NRXN1: variants seen among roughly 807,000 people sequenced by gnomAD.
The protein encoded by NRXN1 is neurexin-1.
NRXN1 carries 39 observed loss-of-function variants against 150.9 expected under a neutral mutation model. The observed-to-expected ratio is 0.26, with a 90% confidence interval of 0.20 to 0.34. NRXN1 has a LOEUF of 0.34. Ranked by LOEUF, NRXN1 falls within the 10% of genes least tolerant of loss-of-function variation. The pLI is 1.00. For synonymous variants in NRXN1, 924 were observed against 757.0 expected (o/e 1.22, Z -3.62); for missense variants, 1,815 against 1,949.9 (o/e 0.93, Z 1.30).
chr2:50,092,013 A>T (rs892916970), intron 18 of NRXN1, among the ~76,000 whole-genome samples: 12 of 152,354 alleles, frequency 7.9e-5, no homozygotes, highest in African/African-American at 2.9e-4. Flanking sequence ...AAATACTAAC[A>T]GCTTGAAAGT....
chr2:50,225,829 A>C (rs2064324439), intron 18 of NRXN1, among the ~76,000 whole-genome samples: 1 of 151,994 alleles, frequency 6.6e-6, no homozygotes, highest in Non-Finnish European at 1.5e-5. Context: ...CTAGCTAGCT[A>C]ACCACAAAAT....
At chr2:50,383,946 T>A (rs368129324) in intron 17 of NRXN1, among the ~76,000 whole-genome samples, 3 of 152,178 alleles carry the variant, frequency 2.0e-5, no homozygotes, top group African/African-American at 7.2e-5. Context: ...CAGTTCAACT[T>A]ACCCCGTTTA....
intron 8 of NRXN1, among the ~76,000 whole-genome samples, chr2:50,615,066 C>T (rs964431892): frequency 6.6e-6 from 1 of 152,108 alleles, no homozygotes; most frequent in African/African-American, 2.4e-5. Flanking sequence ...GGATATTTTC[C>T]AAACCTCATC....
intron 5 of NRXN1, among the ~76,000 whole-genome samples, chr2:50,787,751 A>ACTTTATGG (rs1705339698): frequency 6.6e-6 from 1 of 151,870 alleles, no homozygotes; most frequent in African/African-American, 2.4e-5. Context: ...ACAACCCTGA[A>ACTTTATGG]AAGACCAGGA....
intron 5 of NRXN1, among the ~76,000 whole-genome samples, chr2:50,750,257 G>A (rs1344110975): frequency 1.3e-5 from 2 of 151,940 alleles, no homozygotes; most frequent in African/African-American, 2.4e-5. Flanking sequence ...CATCTGACCT[G>A]TAGTCATTTT....
intron 21 of NRXN1, among the ~76,000 whole-genome samples, chr2:49,986,992 C>T (rs1253243291): frequency 6.6e-6 from 1 of 151,568 alleles, no homozygotes; most frequent in Admixed American, 6.6e-5. Flanking sequence ...CTAAGCTGGG[C>T]AGGTTGAGGC....
intron 2 of NRXN1, among the ~76,000 whole-genome samples, chr2:50,960,362 A>G (rs1356572877): frequency 1.6e-5 from 2 of 126,238 alleles, no homozygotes; most frequent in Admixed American, 1.1e-4. Flanking sequence ...TTCCTTTCCT[A>G]CCTAGCAATG....
At chr2:50,477,404 G>A (rs2090077487) in intron 15 of NRXN1, among the ~76,000 whole-genome samples, 1 of 152,126 alleles carries the variant, frequency 6.6e-6, no homozygotes, top group Admixed American at 6.6e-5. Context: ...CATCCTAGAG[G>A]AATCCAGTGA....
intron 17 of NRXN1, among the ~76,000 whole-genome samples, chr2:50,394,867 G>A (rs1379734736): frequency 6.6e-6 from 1 of 151,746 alleles, no homozygotes; most frequent in Non-Finnish European, 1.5e-5. Context: ...TGCTCCTCCA[G>A]TTACCCAGGT....
intron 16 of NRXN1, chr2:50,466,502 T>TA (rs375018522): frequency 8.7e-4 from 348 of 398,810 alleles, no homozygotes; most frequent in South Asian, 1.1e-3. Context: ...GTCAGCAAAA[T>TA]AAAAAAAAAA....
chr2:50,074,273 G>C (rs1396556513), intron 19 of NRXN1, among the ~76,000 whole-genome samples: 2 of 151,948 alleles, frequency 1.3e-5, no homozygotes, highest in Non-Finnish European at 2.9e-5. Context: ...AAAATGAAAA[G>C]TTTCCTTTTA....
intron 17 of NRXN1, among the ~76,000 whole-genome samples, chr2:50,462,789 C>T (rs1044522410): frequency 1.3e-5 from 2 of 151,788 alleles, no homozygotes; most frequent in Non-Finnish European, 2.9e-5. Context: ...CATTTACAAG[C>T]TACAAAGTAT....
chr2:50,847,044 T>C (rs576936383), intron 5 of NRXN1, among the ~76,000 whole-genome samples: 1 of 152,090 alleles, frequency 6.6e-6, no homozygotes, highest in Non-Finnish European at 1.5e-5. Context: ...TTCTTCTCTG[T>C]AACCTTTGCC....
At position 51,028,502 on chromosome 2, in the gene NRXN1, G is replaced by A. The variant is rs200151567; in HGVS notation, c.-229C>T. On this transcript the variant is annotated 5_prime_UTR_variant, in exon 2 of 23. Transcript: ENST00000401669. ...CCAACTGGAAAACGTTGACCCCAGT[G>A]GTACAGGGTAGCCACAGAACTTCCA... 7.3e-6 allele frequency: 3 copies of A among 412,398 alleles called. No individual in the cohort carries two copies. The highest frequency in any genetic ancestry group is 1.3e-5 in the Non-Finnish European group (3 of 233,456). 25.5% of individuals were successfully genotyped at this position (412,398 alleles called of 1,614,324 possible).
At position 50,169,729 on chromosome 2, in the gene NRXN1, G is replaced by A. The variant is rs79065081; in HGVS notation, c.3546+67060C>T. Among the ~76,000 whole-genome samples, 719 of 122,038 alleles carry A rather than the reference G, an allele frequency of 5.9e-3. 8 individuals are homozygous for A. The highest frequency in any genetic ancestry group is 0.016 in the African/African-American group (347 of 21,706). 80.1% of individuals were successfully genotyped at this position (122,038 alleles called of 152,430 possible). A position where few individuals can be genotyped will look rare whatever the true frequency, so the allele number is the denominator to read the frequency against. ...TCCATCTCAAAAAAAAAAAAAAAAAGAAAGAAAGAAATTATATGGATGAGG... is the reference window on the plus strand; with the variant it reads ...TCCATCTCAAAAAAAAAAAAAAAAAAAAAGAAAGAAATTATATGGATGAGG... On this transcript the variant is annotated intron_variant, in intron 18 of 22. Transcript: ENST00000401669.
chr2:50,527,658 T>C (rs2092992059), intron 12 of NRXN1, among the ~76,000 whole-genome samples: 1 of 152,132 alleles, frequency 6.6e-6, no homozygotes, highest in Admixed American at 6.6e-5. Context: ...AATAGTCTTG[T>C]TTTCGCAAGT....
intron 19 of NRXN1, among the ~76,000 whole-genome samples, chr2:50,060,937 C>T (rs974045133): frequency 8.5e-5 from 13 of 152,130 alleles, no homozygotes; most frequent in South Asian, 2.1e-4. Context: ...TGTGAAGACA[C>T]ATCTAAATAA....
At chr2:51,007,673 C>A (rs1166880355) in intron 2 of NRXN1, among the ~76,000 whole-genome samples, 1 of 151,828 alleles carries the variant, frequency 6.6e-6, no homozygotes, top group African/African-American at 2.4e-5. Context: ...TTATGGGATG[C>A]ACTTTTACAT....
intron 8 of NRXN1, among the ~76,000 whole-genome samples, chr2:50,613,932 T>C (rs1036998001): frequency 3.3e-5 from 5 of 152,122 alleles, no homozygotes; most frequent in African/African-American, 9.7e-5. Flanking sequence ...TAAGTGAAGA[T>C]GTATCACCAC....
Sources: allele counts gnomAD v4.1 joint callset (sites outside exome capture counted in the v4.1 genomes callset), GRCh38; gene constraint gnomAD v4.1.1; transcripts MANE v1.5; gene names NCBI Gene and HGNC (gene_info 2026-07-23, HGNC 2026-07-21).